The following FTO variants were observed in gnomAD, a reference collection of about 807,000 sequenced individuals.
FTO encodes alpha-ketoglutarate-dependent dioxygenase FTO.
A neutral mutation model predicts 63.9 loss-of-function variants in FTO; 47 were observed. That is an observed-to-expected ratio of 0.74 (90% CI 0.58 to 0.94). FTO has a LOEUF of 0.94. FTO is among the 40% of genes least tolerant of loss of function. The pLI is 0.00. For missense variants in FTO, 562 were observed against 618.1 expected (o/e 0.91, Z 0.96); for synonymous variants, 207 against 224.4 (o/e 0.92, Z 0.69).
rs2086927720 is a variant in FTO at position 54,113,248 on chromosome 16, T to A, written c.*1333T>A. 1 of 151,686 alleles carries A rather than the reference T, an allele frequency of 6.6e-6. No individual in the cohort carries two copies. Among genetic ancestry groups the A allele is most frequent in the African/African-American group, 2.4e-5 (1 of 41,204 alleles). 9.4% of individuals were successfully genotyped at this position (151,686 alleles called of 1,614,324 possible). On this transcript the variant is annotated 3_prime_UTR_variant, in exon 9 of 9. Transcript: ENST00000471389. ...CACATCTCTCCCTTTCTGACCTGGC[T>A]CCTGCCCATTGGTGTCCCAAGAAAT...
At chr16:53,979,058 G>A (rs1208433008) in intron 8 of FTO, among the ~76,000 whole-genome samples, 1 of 151,934 alleles carries the variant, frequency 6.6e-6, no homozygotes, top group Non-Finnish European at 1.5e-5. Flanking sequence ...ATTTGGTTAT[G>A]ATTAGAAATA....
intron 4 of FTO, among the ~76,000 whole-genome samples, chr16:53,863,289 C>A (rs1387404132): frequency 6.6e-6 from 1 of 152,176 alleles, no homozygotes; most frequent in African/African-American, 2.4e-5. Flanking sequence ...TTGCATAGTT[C>A]TGGCAATTAC....
chr16:53,820,782 T>C (rs552723493), intron 2 of FTO, among the ~76,000 whole-genome samples: 78 of 152,150 alleles, frequency 5.1e-4, no homozygotes, highest in African/African-American at 1.7e-3. Context: ...TCCAGTTTCA[T>C]CCATGTCCAG....
chr16:54,089,053 C>T (rs2086317203), intron 8 of FTO, among the ~76,000 whole-genome samples: 1 of 152,132 alleles, frequency 6.6e-6, no homozygotes, highest in Non-Finnish European at 1.5e-5. Flanking sequence ...AGGGCGAATT[C>T]CGTGAGAAGT....
intron 8 of FTO, among the ~76,000 whole-genome samples, chr16:54,005,068 T>TAA (rs777739385): frequency 0.028 from 2,734 of 97,680 alleles, 30 homozygotes; most frequent in Non-Finnish European, 0.036. Context: ...AGGCTCCGTC[T>TAA]AAAAAAAAAA....
chr16:54,053,390 C>T (rs1307534629), intron 8 of FTO, among the ~76,000 whole-genome samples: 1 of 152,188 alleles, frequency 6.6e-6, no homozygotes, highest in Middle Eastern at 3.2e-3. Context: ...TTCCCCCTCC[C>T]TCTTTCAGTT....
At chr16:53,832,620 A>G (rs1283741473) in intron 3 of FTO, among the ~76,000 whole-genome samples, 1 of 152,176 alleles carries the variant, frequency 6.6e-6, no homozygotes, top group Non-Finnish European at 1.5e-5. Context: ...ATGGAATTAT[A>G]TATGTGCACG....
chr16:53,774,075 C>A (rs2077404961), intron 1 of FTO, among the ~76,000 whole-genome samples: 1 of 152,208 alleles, frequency 6.6e-6, no homozygotes, highest in East Asian at 1.9e-4. Context: ...TCTATAGCAA[C>A]AATTTCAACG....
At position 53,910,623 on chromosome 16, in the gene FTO, G is replaced by A. The variant is rs1249492587; in HGVS notation, c.1239+21672G>A. 5.3e-5 allele frequency among the ~76,000 whole-genome samples: 8 copies of A among 151,900 alleles called. No individual in the cohort carries two copies. The East Asian group carries it at 1.4e-3, about 26-fold the overall frequency. On this transcript the variant is annotated intron_variant, in intron 7 of 8. Coordinates refer to ENST00000471389, the MANE Select transcript of FTO (RefSeq NM_001080432.3). The stretch of plus-strand genomic sequence containing the variant: ...GTGATCTCTGCTCACTGCAACCTCC[G>A]CCTCCCAGGTTCAAGTAATCCTCCT...
intron 8 of FTO, among the ~76,000 whole-genome samples, chr16:54,073,310 G>A (rs2085913118): frequency 6.6e-6 from 1 of 152,160 alleles, no homozygotes; most frequent in Non-Finnish European, 1.5e-5. Context: ...ATTAAGTTCA[G>A]AGAATCTGAT....
chr16:54,101,188 A>G (rs1042800637), intron 8 of FTO, among the ~76,000 whole-genome samples: 4 of 151,592 alleles, frequency 2.6e-5, no homozygotes, highest in African/African-American at 9.7e-5. Context: ...ATAGGTAAAC[A>G]TGTGTCACGG....
intron 8 of FTO, chr16:54,013,541 A>G (rs1567516553): frequency 6.6e-6 from 1 of 152,386 alleles, no homozygotes; most frequent in African/African-American, 2.4e-5. Flanking sequence ...ACAGCATTGC[A>G]TGCTACAGAG....
chr16:54,106,337 G>A (rs2086750711), intron 8 of FTO, among the ~76,000 whole-genome samples: 1 of 151,822 alleles, frequency 6.6e-6, no homozygotes, highest in Admixed American at 6.6e-5. Flanking sequence ...ACGTCACTAG[G>A]TCATTCAGGG....
chr16:54,009,817 C>G (rs1008375867), intron 8 of FTO, among the ~76,000 whole-genome samples: 1 of 152,146 alleles, frequency 6.6e-6, no homozygotes, highest in Non-Finnish European at 1.5e-5. Flanking sequence ...TCATGTAACT[C>G]CCTCTGTGAC....
chr16:53,843,797 GT>G, intron 3 of FTO, among the ~76,000 whole-genome samples: 1 of 150,268 alleles, frequency 6.7e-6, no homozygotes. Flanking sequence ...CTTTACATCT[GT>G]TTTTTATTTT....
intron 1 of FTO, among the ~76,000 whole-genome samples, chr16:53,763,250 A>AT (rs66721402): frequency 0.15 from 23,215 of 152,106 alleles, 2,111 homozygotes; most frequent in African/African-American, 0.24. Flanking sequence ...TTATATATCC[A>AT]TTTTTTTAAA....
intron 7 of FTO, among the ~76,000 whole-genome samples, chr16:53,889,534 A>T (rs2081095633): frequency 6.6e-6 from 1 of 152,204 alleles, no homozygotes; most frequent in Non-Finnish European, 1.5e-5. Flanking sequence ...ATCTGGTAAT[A>T]GATGTGAAAC....
At chr16:53,801,806 C>T (rs146440659) in intron 1 of FTO, among the ~76,000 whole-genome samples, 1 of 151,672 alleles carries the variant, frequency 6.6e-6, no homozygotes, top group Non-Finnish European at 1.5e-5. Context: ...GTCACCCAGG[C>T]TGGAGTGCAG....
At chr16:53,944,280 C>T (rs1567460689) in intron 8 of FTO, among the ~76,000 whole-genome samples, 1 of 152,030 alleles carries the variant, frequency 6.6e-6, no homozygotes, top group Non-Finnish European at 1.5e-5. Context: ...CCATAGAAAC[C>T]CACATCCCAG....
Sources: gnomAD v4.1 joint callset for allele counts (sites outside exome capture counted in the v4.1 genomes callset) on GRCh38, gnomAD v4.1.1 for gene constraint, MANE v1.5 for transcripts, NCBI Gene and HGNC (gene_info 2026-07-23, HGNC 2026-07-21) for gene names.